The following ADGRL3 variants were observed in gnomAD, a reference collection of about 807,000 sequenced individuals.
ADGRL3 encodes the protein calcium-independent alpha-latrotoxin receptor 3.
Under a neutral mutation model 153.5 loss-of-function variants are expected in ADGRL3, and 62 were observed. That is an observed-to-expected ratio of 0.40 (90% confidence interval 0.33 to 0.50). The LOEUF is 0.50. Ranked by LOEUF, ADGRL3 falls within the 20% of genes least tolerant of loss-of-function variation. The pLI is 0.47. For missense variants in ADGRL3, 1,641 were observed against 1,859.4 expected, an observed-to-expected ratio of 0.88 and a Z score of 2.16; for synonymous variants, 710 against 672.5, an observed-to-expected ratio of 1.06 and a Z score of -0.86.
intron 4 of ADGRL3, among the ~76,000 whole-genome samples, chr4:61,576,802 A>G (rs2098887568): frequency 6.6e-6 from 1 of 151,694 alleles, no homozygotes. Flanking sequence ...AAACATAACA[A>G]TGTGAAAATA....
intron 21 of ADGRL3, among the ~76,000 whole-genome samples, chr4:62,021,971 G>A (rs558209908): frequency 6.6e-6 from 1 of 152,300 alleles, no homozygotes; most frequent in South Asian, 2.1e-4. Context: ...GTGAAAGAAA[G>A]TGTCTCTCAC....
chr4:61,709,957 A>AT (rs1486762852), intron 6 of ADGRL3, among the ~76,000 whole-genome samples: 1 of 152,214 alleles, frequency 6.6e-6, no homozygotes, highest in African/African-American at 2.4e-5. Context: ...TAGCCATGCT[A>AT]TGTCTTAGAA....
rs139916156 is a variant in ADGRL3, at chr4:61,950,276, A to G, written c.2805+2000A>G. 6.6e-3 allele frequency among the ~76,000 whole-genome samples: 998 copies of G among 152,282 alleles called. 8 individuals are homozygous for G. The highest frequency in any genetic ancestry group is 0.023 in the African/African-American group (944 of 41,564). Reference sequence around the variant, plus strand: ...AGATGAGACAGAAAAAAACAGCTATATAGTTAATAAGGTAGTGATAAGAAT... The same window carrying G: ...AGATGAGACAGAAAAAAACAGCTATGTAGTTAATAAGGTAGTGATAAGAAT... On this transcript the variant is annotated intron_variant, in intron 17 of 26. Coordinates refer to ENST00000683033, the MANE Select transcript of ADGRL3 (RefSeq NM_001387552.1).
chr4:61,517,548 G>A, intron 4 of ADGRL3, 30 bp downstream of exon 4: 1 of 698,166 alleles, frequency 1.4e-6, no homozygotes, highest in Non-Finnish European at 2.6e-6. Context: ...GAGAGGGCTG[G>A]GGGTGGCTGG....
intron 19 of ADGRL3, among the ~76,000 whole-genome samples, chr4:61,984,033 G>A (rs549307900): frequency 1.3e-5 from 2 of 152,298 alleles, no homozygotes; most frequent in South Asian, 4.1e-4. Context: ...GAGTATAGGA[G>A]CAGGGACAGC....
chr4:62,037,503 A>AGT (rs139981466), intron 23 of ADGRL3, among the ~76,000 whole-genome samples: 94 of 151,396 alleles, frequency 6.2e-4, no homozygotes, highest in South Asian at 2.9e-3. Context: ...TGTGTGTATA[A>AGT]GTGTGTGTGT....
chr4:61,351,151 T>C (rs1040806995), intron 1 of ADGRL3, among the ~76,000 whole-genome samples: 9 of 152,134 alleles, frequency 5.9e-5, no homozygotes, highest in Non-Finnish European at 1.3e-4. Context: ...AAAATTTCAG[T>C]GGTTTGGATA....
At chr4:61,386,633 T>C (rs1038981199) in intron 2 of ADGRL3, among the ~76,000 whole-genome samples, 5 of 152,150 alleles carry the variant, frequency 3.3e-5, no homozygotes, top group East Asian at 1.9e-4. Flanking sequence ...TTAGAGAAAG[T>C]GTAGCTCTTT....
intron 5 of ADGRL3, among the ~76,000 whole-genome samples, chr4:61,588,674 CTTG>C (rs982131566): frequency 1.3e-5 from 2 of 151,842 alleles, no homozygotes; most frequent in Admixed American, 6.6e-5. Context: ...TTGGTTACAT[CTTG>C]TTGTTCTTGT....
At position 61,600,542 on chromosome 4, in the gene ADGRL3, C is replaced by T. The variant is rs963788102; in HGVS notation, c.473+13102C>T. ...TTGGTTTGGCATCCAAGCCACATGT[C>T]CTGGTACACACTGCTTTGGAGCAAT... On this transcript the variant is annotated intron_variant, in intron 5 of 26. Transcript: ENST00000683033. Among the ~76,000 whole-genome samples the T allele has an allele frequency of 9.1e-4, 138 of 152,160 alleles. 1 individual carries two copies. The highest frequency in any genetic ancestry group is 3.1e-3 in the African/African-American group (129 of 41,534).
chr4:61,915,967 T>G (rs1159401584), intron 13 of ADGRL3, among the ~76,000 whole-genome samples: 3 of 152,148 alleles, frequency 2.0e-5, no homozygotes, highest in Admixed American at 6.6e-5. Context: ...TTAGGGTTGA[T>G]TTTGGCTGTC....
At chr4:61,261,537 C>A (rs1330583052) in intron 1 of ADGRL3, among the ~76,000 whole-genome samples, 1 of 152,020 alleles carries the variant, frequency 6.6e-6, no homozygotes, top group Admixed American at 6.6e-5. Flanking sequence ...ATACAGAGAG[C>A]AATTGTATTT....
intron 5 of ADGRL3, among the ~76,000 whole-genome samples, chr4:61,670,300 A>G (rs894983597): frequency 1.3e-5 from 2 of 151,978 alleles, no homozygotes; most frequent in Admixed American, 1.3e-4. Context: ...TCAAAAATAT[A>G]TATATATATT....
At chr4:61,250,128 C>T (rs2149429323) in intron 1 of ADGRL3, among the ~76,000 whole-genome samples, 1 of 152,236 alleles carries the variant, frequency 6.6e-6, no homozygotes, top group African/African-American at 2.4e-5. Context: ...CCCTATATAA[C>T]TAAGAATTGA....
chr4:61,762,870 A>C (rs2152216939), intron 8 of ADGRL3, among the ~76,000 whole-genome samples: 1 of 152,308 alleles, frequency 6.6e-6, no homozygotes, highest in South Asian at 2.1e-4. Context: ...TCTTTAACTT[A>C]GAAATAAATC....
intron 19 of ADGRL3, among the ~76,000 whole-genome samples, chr4:61,987,355 A>G (rs943605248): frequency 6.6e-6 from 1 of 151,626 alleles, no homozygotes; most frequent in Admixed American, 6.6e-5. Context: ...GTATTTTTTT[A>G]GTAGAGATGG....
At position 61,948,219 on chromosome 4, in the gene ADGRL3, A is replaced by C; in HGVS notation, c.2748A>C (p.Thr916=). 6.2e-7 allele frequency: 1 copy of C among 1,613,902 alleles called. No individual in the cohort carries two copies. The highest frequency in any genetic ancestry group is 8.5e-7 in the Non-Finnish European group (1 of 1,179,842). The change falls in exon 17 of 27, where the codon ACA becomes ACC. Residue 916 remains threonine (T), a synonymous_variant. Coordinates refer to ENST00000683033, the MANE Select transcript of ADGRL3 (RefSeq NM_001387552.1). ...RLLTTNKTHT[T]CSCNHLTNFA... The stretch of plus-strand genomic sequence containing the variant: ...TGACAACAAATAAGACACATACTAC[A>C]TGCTCTTGTAACCACCTAACAAATT...
intron 1 of ADGRL3, among the ~76,000 whole-genome samples, chr4:61,272,224 T>C (rs2093225134): frequency 6.6e-6 from 1 of 151,998 alleles, no homozygotes; most frequent in South Asian, 2.1e-4. Flanking sequence ...TTACAAAAAA[T>C]GGTTTCATGA....
At chr4:61,568,013 T>C (rs1364424988) in intron 4 of ADGRL3, among the ~76,000 whole-genome samples, 1 of 152,160 alleles carries the variant, frequency 6.6e-6, no homozygotes, top group Admixed American at 6.6e-5. Flanking sequence ...GGAAGTAAAT[T>C]GAGTCTAATT....
Sources: gnomAD v4.1 joint callset for allele counts (sites outside exome capture counted in the v4.1 genomes callset) on GRCh38, gnomAD v4.1.1 for gene constraint, MANE v1.5 for transcripts, NCBI Gene and HGNC (gene_info 2026-07-23, HGNC 2026-07-21) for gene names.